KHDRBS2: variants seen among roughly 807,000 people sequenced by gnomAD.
The protein encoded by KHDRBS2 is KH RNA binding domain containing, signal transduction associated 2.
A neutral mutation model predicts 44.3 loss-of-function variants in KHDRBS2; 26 were observed. The observed-to-expected ratio is 0.59, with a 90% confidence interval of 0.43 to 0.81. The LOEUF (loss-of-function observed/expected upper bound fraction) is 0.81, where lower values mean the gene tolerates loss of function less well. Among genes scored for constraint, KHDRBS2 ranks in the 40% least tolerant of loss-of-function variants. The pLI, the probability that KHDRBS2 is intolerant of heterozygous loss-of-function variation, is 0.00. For synonymous variants in KHDRBS2, 194 were observed against 151.1 expected, an observed-to-expected ratio of 1.28 and a Z score of -2.08; for missense variants, 476 against 433.1, an observed-to-expected ratio of 1.10 and a Z score of -0.88.
At chr6:61,663,500 C>CATATATACATATATATATATATAT in the KHDRBS2 span, among the ~76,000 whole-genome samples, 3 of 35,970 alleles carry the variant, frequency 8.3e-5, no homozygotes, top group Non-Finnish European at 1.1e-4. Context: ...CATGAGACAC[C>CATATATACATATATATATATATAT]ATATATATAT....
the KHDRBS2 span, among the ~76,000 whole-genome samples, chr6:61,643,248 G>A: frequency 7.9e-5 from 12 of 152,218 alleles, no homozygotes; most frequent in Middle Eastern, 3.4e-3. Context: ...AATTTTTTAT[G>A]ATAAAATTTA....
chr6:62,233,197 A>T (rs1184089537), intron 1 of KHDRBS2, among the ~76,000 whole-genome samples: 1 of 152,166 alleles, frequency 6.6e-6, no homozygotes, highest in African/African-American at 2.4e-5. Context: ...TCTGGCTTCC[A>T]TTGAAAAGAA....
At chr6:62,071,021 T>A (rs188219388) in intron 2 of KHDRBS2, among the ~76,000 whole-genome samples, 2 of 152,334 alleles carry the variant, frequency 1.3e-5, no homozygotes, top group East Asian at 1.9e-4. Flanking sequence ...GAATTTTTAA[T>A]GATCGCCATT....
intron 3 of KHDRBS2, among the ~76,000 whole-genome samples, chr6:61,994,953 A>G (rs1257447918): frequency 2.0e-5 from 3 of 152,064 alleles, no homozygotes; most frequent in African/African-American, 7.2e-5. Flanking sequence ...AAAAATGGGC[A>G]CGTCTGAGGA....
chr6:62,066,894 G>A (rs1015578521), intron 2 of KHDRBS2, among the ~76,000 whole-genome samples: 8 of 151,444 alleles, frequency 5.3e-5, no homozygotes, highest in Non-Finnish European at 1.2e-4. Context: ...CTATAGTGTT[G>A]TTTATTATTT....
chr6:62,019,428 T>G (rs1781841226), intron 3 of KHDRBS2, among the ~76,000 whole-genome samples: 1 of 152,136 alleles, frequency 6.6e-6, no homozygotes, highest in Non-Finnish European at 1.5e-5. Context: ...TGTCCTTTTC[T>G]GATTTTGGTA....
At chr6:62,049,716 G>T (rs774766083) in intron 2 of KHDRBS2, among the ~76,000 whole-genome samples, 4 of 151,938 alleles carry the variant, frequency 2.6e-5, no homozygotes, top group African/African-American at 4.8e-5. Context: ...CTGTTCTGTA[G>T]GTTGCCTGTT....
chr6:61,949,497 T>C (rs1255530697), intron 4 of KHDRBS2, among the ~76,000 whole-genome samples: 2 of 152,158 alleles, frequency 1.3e-5, no homozygotes, highest in Non-Finnish European at 2.9e-5. Context: ...ACATATATGC[T>C]ATAACTTAAA....
At chr6:61,941,413 G>T (rs900240695) in intron 4 of KHDRBS2, among the ~76,000 whole-genome samples, 3 of 151,964 alleles carry the variant, frequency 2.0e-5, no homozygotes, top group Non-Finnish European at 4.4e-5. Context: ...CTACATTACT[G>T]CCATTATTAG....
chr6:61,919,460 T>C (rs1351960025), intron 4 of KHDRBS2, among the ~76,000 whole-genome samples: 1 of 151,782 alleles, frequency 6.6e-6, no homozygotes, highest in Non-Finnish European at 1.5e-5. Context: ...CTTGATGAGG[T>C]CTAAATTCTA....
chr6:62,027,304 T>C (rs1201491225), intron 3 of KHDRBS2, among the ~76,000 whole-genome samples: 1 of 152,116 alleles, frequency 6.6e-6, no homozygotes, highest in Non-Finnish European at 1.5e-5. Context: ...ATTTAAAAAT[T>C]AAGTAATCAG....
the KHDRBS2 span, among the ~76,000 whole-genome samples, chr6:61,635,272 C>G: frequency 0.014 from 2,056 of 151,936 alleles, 48 homozygotes; most frequent in African/African-American, 0.048. Flanking sequence ...CAGAAAATGC[C>G]CTTTTCTCAT....
chr6:61,992,305 A>AC (rs1339193364), intron 3 of KHDRBS2, among the ~76,000 whole-genome samples: 3 of 152,078 alleles, frequency 2.0e-5, no homozygotes, highest in African/African-American at 7.2e-5. Context: ...CTTTGTGAAC[A>AC]CCATTTTTCA....
Position 62,240,706 on chromosome 6 carries a change from A to G in KHDRBS2, c.91+45152T>C, listed in dbSNP as rs1217961720. Among the ~76,000 whole-genome samples, 8 of 135,628 alleles carry G rather than the reference A, an allele frequency of 5.9e-5. 2 individuals are homozygous for G. Among genetic ancestry groups the G allele is most frequent in the Non-Finnish European group, 1.6e-5 (1 of 63,292 alleles). The allele number at this position is 135,628 out of a possible 152,430, so 89.0% of individuals were successfully genotyped here. A position where few individuals can be genotyped will look rare whatever the true frequency, so the allele number is the denominator to read the frequency against. Reference sequence around the variant, plus strand: ...TATATATATATATATATATATATATATATATATATATAAACATGAGTTCAT... The same window carrying G: ...TATATATATATATATATATATATATGTATATATATATAAACATGAGTTCAT... On this transcript the variant is annotated intron_variant, in intron 1 of 8. Coordinates refer to ENST00000281156, the MANE Select transcript of KHDRBS2 (RefSeq NM_152688.4).
chr6:61,953,246 G>T (rs767341522), intron 4 of KHDRBS2, among the ~76,000 whole-genome samples: 2 of 151,944 alleles, frequency 1.3e-5, no homozygotes, highest in Non-Finnish European at 1.5e-5. Context: ...TAAATATGAA[G>T]AAATTCTGTC....
chr6:61,866,470 G>C (rs1160060188), intron 6 of KHDRBS2, among the ~76,000 whole-genome samples: 3 of 152,102 alleles, frequency 2.0e-5, no homozygotes, highest in Non-Finnish European at 4.4e-5. Flanking sequence ...TGGCCCTCTG[G>C]GCCTGTGATG....
intron 6 of KHDRBS2, among the ~76,000 whole-genome samples, chr6:61,821,819 G>A (rs745456175): frequency 2.6e-5 from 4 of 151,666 alleles, no homozygotes; most frequent in Non-Finnish European, 4.4e-5. Context: ...CCAATGACTG[G>A]TATTTCTGTT....
intron 4 of KHDRBS2, among the ~76,000 whole-genome samples, chr6:61,948,699 G>A (rs1305139047): frequency 1.8e-5 from 2 of 112,070 alleles, no homozygotes; most frequent in South Asian, 3.0e-4. Context: ...TTATTTTAGA[G>A]ATGAGGTCTT....
chr6:61,901,492 G>A, intron 4 of KHDRBS2, 121 bp from the exon 5 acceptor site: 1 of 721,950 alleles, frequency 1.4e-6, no homozygotes, highest in Non-Finnish European at 2.2e-6. Context: ...TTGTTTCCTG[G>A]AACTTTATAT....
Sources: gnomAD v4.1 joint callset for allele counts (sites outside exome capture counted in the v4.1 genomes callset) on GRCh38, gnomAD v4.1.1 for gene constraint, MANE v1.5 for transcripts, NCBI Gene and HGNC (gene_info 2026-07-23, HGNC 2026-07-21) for gene names.